GRID1: variants seen among roughly 807,000 people sequenced by gnomAD.
The protein encoded by GRID1 is glutamate receptor ionotropic, delta-1.
GRID1 carries 28 observed loss-of-function variants against 98.0 expected under a neutral mutation model. The observed-to-expected ratio is 0.29, with a 90% confidence interval of 0.21 to 0.39. The LOEUF (loss-of-function observed/expected upper bound fraction) is 0.39, where lower values mean the gene tolerates loss of function less well. Ranked by LOEUF, GRID1 falls within the 10% of genes least tolerant of loss-of-function variation. The pLI is 1.00. For synonymous variants in GRID1, 553 were observed against 538.5 expected (o/e 1.03, Z -0.37); for missense variants, 1,111 against 1,340.5 (o/e 0.83, Z 2.67).
At chr10:85,955,894 C>A (rs1174428672) in intron 4 of GRID1, among the ~76,000 whole-genome samples, 1 of 152,182 alleles carries the variant, frequency 6.6e-6, no homozygotes, top group East Asian at 1.9e-4. Flanking sequence ...CAGAGGGGAG[C>A]TGGCCATTGT....
At chr10:86,072,675 C>T (rs1365160190) in intron 4 of GRID1, among the ~76,000 whole-genome samples, 1 of 152,230 alleles carries the variant, frequency 6.6e-6, no homozygotes, top group Non-Finnish European at 1.5e-5. Flanking sequence ...GAACATCTCT[C>T]CTTTTTAACG....
intron 12 of GRID1, among the ~76,000 whole-genome samples, chr10:85,699,684 T>C (rs1841430907): frequency 6.6e-6 from 1 of 152,222 alleles, no homozygotes; most frequent in East Asian, 1.9e-4. Flanking sequence ...TTCTTTACAT[T>C]GAGATAATTG....
chr10:86,300,348 T>C (rs1254950671), intron 2 of GRID1, among the ~76,000 whole-genome samples: 2 of 150,916 alleles, frequency 1.3e-5, no homozygotes, highest in African/African-American at 4.9e-5. Flanking sequence ...AAGCTGGTGG[T>C]CCCAGCTACT....
In GRID1 at chr10:85,916,223, A is replaced by C. The variant is rs1841618066; in HGVS notation, c.743T>G (p.Leu248Arg). ...GACCCAGTGGCTGTCCTTGGAAGCC[A>C]GGTTGGTCTCCACGGCCTGCAGAGA... ...SFINEAVETN[L>R]ASKDSHWVFV... Residue 248 changes from leucine (L) to arginine (R), a missense_variant, in exon 5 of 16, where the codon CTG (leucine) becomes CGG (arginine). By Grantham distance (102) the Leu-to-Arg change is moderately radical. This residue lies in a region of GRID1 where 346 missense variants were observed against 452.3 expected (regional missense o/e 0.76). Transcript: ENST00000327946. The surrounding 1 kb of genome is among the most constrained non-coding windows in gnomAD (Gnocchi z 4.0). The C allele has an allele frequency of 6.2e-7, 1 of 1,613,738 alleles. No individual in the cohort carries two copies. The highest frequency in any genetic ancestry group is 8.5e-7 in the Non-Finnish European group (1 of 1,179,646).
At chr10:85,677,187 A>G (rs1285614860) in intron 12 of GRID1, among the ~76,000 whole-genome samples, 2 of 152,228 alleles carry the variant, frequency 1.3e-5, no homozygotes, top group South Asian at 4.1e-4. Flanking sequence ...CAAAATCTCA[A>G]GGGCCAAACT....
At chr10:86,286,486 C>T (rs915119752) in intron 2 of GRID1, among the ~76,000 whole-genome samples, 14 of 152,304 alleles carry the variant, frequency 9.2e-5, no homozygotes, top group South Asian at 6.2e-4. Context: ...ATGGGCTCCA[C>T]GAATTCCCTG....
chr10:86,087,318 T>A (rs1186362485), intron 4 of GRID1, among the ~76,000 whole-genome samples: 3 of 150,448 alleles, frequency 2.0e-5, no homozygotes, highest in African/African-American at 7.5e-5. Context: ...ATGGCATGAA[T>A]GTACATGTGG....
chr10:86,332,640 T>G (rs533598628), intron 2 of GRID1, among the ~76,000 whole-genome samples: 168 of 152,224 alleles, frequency 1.1e-3, no homozygotes, highest in African/African-American at 3.8e-3. Flanking sequence ...CCTCTGGGGC[T>G]TCCTTCCCTG....
chr10:85,832,318 C>T (rs923775331), intron 8 of GRID1, among the ~76,000 whole-genome samples: 1 of 152,052 alleles, frequency 6.6e-6, no homozygotes, highest in Non-Finnish European at 1.5e-5. Flanking sequence ...AGAGCCCCAG[C>T]ATTCAATAGT....
chr10:86,281,632 C>T (rs955714453), intron 2 of GRID1, among the ~76,000 whole-genome samples: 5 of 152,166 alleles, frequency 3.3e-5, no homozygotes, highest in Admixed American at 6.5e-5. Context: ...AGAAAGGAAG[C>T]AGGTGCTCTG....
chr10:86,017,305 T>C (rs1842992214), intron 4 of GRID1, among the ~76,000 whole-genome samples: 1 of 152,214 alleles, frequency 6.6e-6, no homozygotes, highest in East Asian at 1.9e-4. Flanking sequence ...CCATCTTCTT[T>C]CTCTGCTTCT....
intron 8 of GRID1, among the ~76,000 whole-genome samples, chr10:85,832,612 G>A (rs554263152): frequency 6.6e-6 from 1 of 152,068 alleles, no homozygotes; most frequent in Non-Finnish European, 1.5e-5. Context: ...TGGAAATAAT[G>A]CAAAAGGCAA....
At chr10:85,929,186 CAG>C (rs1333206010) in intron 4 of GRID1, among the ~76,000 whole-genome samples, 48 of 152,322 alleles carry the variant, frequency 3.2e-4, no homozygotes, top group Non-Finnish European at 1.9e-4. Flanking sequence ...TACCCCATAT[CAG>C]AGAGTCTTTG....
chr10:85,729,677 C>T (rs1291172891), intron 8 of GRID1, 63 bp from the exon 9 acceptor site: 21 of 986,790 alleles, frequency 2.1e-5, no homozygotes, highest in Middle Eastern at 2.2e-4. Flanking sequence ...CATAGGACCT[C>T]GGCTCCTACA....
intron 12 of GRID1, among the ~76,000 whole-genome samples, chr10:85,676,522 TAG>T (rs1397549049): frequency 6.6e-6 from 1 of 152,160 alleles, no homozygotes; most frequent in Non-Finnish European, 1.5e-5. Flanking sequence ...CCATTTGTGC[TAG>T]AGTCCTCAGC....
rs111987088 is a variant in GRID1, at chr10:85,658,836, G to A, written c.1998-11439C>T. The stretch of plus-strand genomic sequence containing the variant: ...GATAACATTGCATTGTTTAAATCAC[G>A]GATGTGTGTGAGAAAGAGAAATCTT... On this transcript the variant is annotated intron_variant, in intron 12 of 15. Transcript: ENST00000327946. Among the ~76,000 whole-genome samples the A allele has an allele frequency of 2.8e-3, 434 of 152,302 alleles. 4 individuals carry two copies. The highest frequency in any genetic ancestry group is 9.6e-3 in the African/African-American group (398 of 41,570).
chr10:85,889,389 C>G lies in GRID1; in HGVS notation c.781-20209G>C, dbSNP rs940594978. 2.6e-5 allele frequency among the ~76,000 whole-genome samples: 4 copies of G among 152,180 alleles called. No individual in the cohort carries two copies. The South Asian group carries it at 6.2e-4, about 24-fold the overall frequency. ...ACCACTGTTCTACTCTCTACTTCTACGAGATCAATATTTTTTAGATTCCAC... is the reference window on the plus strand; with the variant it reads ...ACCACTGTTCTACTCTCTACTTCTAGGAGATCAATATTTTTTAGATTCCAC... On this transcript the variant is annotated intron_variant, in intron 5 of 15. Transcript: ENST00000327946.
At chr10:85,695,030 T>C (rs1841378598) in intron 12 of GRID1, among the ~76,000 whole-genome samples, 1 of 152,112 alleles carries the variant, frequency 6.6e-6, no homozygotes, top group African/African-American at 2.4e-5. Context: ...CTCTACTACT[T>C]TCCAGTCAAT....
intron 8 of GRID1, among the ~76,000 whole-genome samples, chr10:85,821,028 C>T (rs951115293): frequency 5.3e-5 from 8 of 151,886 alleles, no homozygotes; most frequent in African/African-American, 1.2e-4. Context: ...TGCTCATCAA[C>T]GGATAAGCAG....
Sources: gnomAD v4.1 joint callset for allele counts (sites outside exome capture counted in the v4.1 genomes callset) on GRCh38, gnomAD v4.1.1 for gene constraint, gnomAD v4.1.1 regional missense constraint, Gnocchi (gnomAD v3.1) non-coding constraint, MANE v1.5 for transcripts, NCBI Gene and HGNC (gene_info 2026-07-23, HGNC 2026-07-21) for gene names.